Variants in UBE2E2 observed in about 807,000 individuals in gnomAD.
The protein encoded by UBE2E2 is ubiquitin-conjugating enzyme E2 E2.
Under a neutral mutation model 24.7 loss-of-function variants are expected in UBE2E2, and 6 were observed. That is an observed-to-expected ratio of 0.24 (90% confidence interval 0.13 to 0.48). UBE2E2 has a LOEUF of 0.48. UBE2E2 is among the 20% of genes least tolerant of loss of function. The pLI, the probability that UBE2E2 is intolerant of heterozygous loss-of-function variation, is 0.99. For synonymous variants in UBE2E2, 104 were observed against 83.6 expected, an observed-to-expected ratio of 1.24 and a Z score of -1.33; for missense variants, 169 against 245.0, an observed-to-expected ratio of 0.69 and a Z score of 2.07.
At chr3:23,524,143 A>C (rs776802428) in intron 4 of UBE2E2, among the ~76,000 whole-genome samples, 6 of 152,184 alleles carry the variant, frequency 3.9e-5, no homozygotes, top group Non-Finnish European at 8.8e-5. Flanking sequence ...TATCAGAATT[A>C]GTTTTTCATC....
chr3:23,471,092 A>C (rs1317582473), intron 3 of UBE2E2, among the ~76,000 whole-genome samples: 1 of 152,228 alleles, frequency 6.6e-6, no homozygotes, highest in Non-Finnish European at 1.5e-5. Context: ...TGCAACATGT[A>C]TGCATAAATC....
chr3:23,430,638 C>A (rs1487021953), intron 3 of UBE2E2, among the ~76,000 whole-genome samples: 1 of 151,932 alleles, frequency 6.6e-6, no homozygotes, highest in African/African-American at 2.4e-5. Flanking sequence ...CCTGTCTTAT[C>A]CTCCTGAGTA....
intron 3 of UBE2E2, among the ~76,000 whole-genome samples, chr3:23,290,494 A>AT (rs1698734541): frequency 6.6e-6 from 1 of 151,530 alleles, no homozygotes; most frequent in Admixed American, 6.6e-5. Context: ...TTTAATTTTT[A>AT]TTTTTTTGAA....
intron 3 of UBE2E2, among the ~76,000 whole-genome samples, chr3:23,309,077 A>G (rs1336784494): frequency 6.6e-6 from 1 of 152,222 alleles, no homozygotes; most frequent in Non-Finnish European, 1.5e-5. Flanking sequence ...GCCAGTTGGC[A>G]TGGGCAACTG....
chr3:23,468,103 C>T (rs1698961417), intron 3 of UBE2E2, among the ~76,000 whole-genome samples: 1 of 152,130 alleles, frequency 6.6e-6, no homozygotes, highest in African/African-American at 2.4e-5. Flanking sequence ...TTGAACTTGC[C>T]CTAGAGAGCC....
intron 5 of UBE2E2, among the ~76,000 whole-genome samples, chr3:23,535,618 C>CTTTTTTTTT (rs67901258): frequency 8.1e-5 from 7 of 86,020 alleles, no homozygotes; most frequent in Non-Finnish European, 1.5e-4. Context: ...ATAGAGCATT[C>CTTTTTTTTT]TTTTTTTTTT....
intron 3 of UBE2E2, among the ~76,000 whole-genome samples, chr3:23,355,006 T>G (rs1461350423): frequency 8.6e-5 from 13 of 151,686 alleles, no homozygotes; most frequent in Non-Finnish European, 1.8e-4. Context: ...TAGACTGGAT[T>G]AAGAAAATGT....
intron 5 of UBE2E2, among the ~76,000 whole-genome samples, chr3:23,573,128 G>A (rs542055674): frequency 6.6e-6 from 1 of 152,222 alleles, no homozygotes; most frequent in Non-Finnish European, 1.5e-5. Flanking sequence ...TACAAATCAG[G>A]AGTGAGTAAA....
chr3:23,217,358 T>G, intron 3 of UBE2E2, 46 bp downstream of exon 3: 1 of 1,569,168 alleles, frequency 6.4e-7, no homozygotes, highest in Non-Finnish European at 8.8e-7. Flanking sequence ...TTGCAGAAGG[T>G]GCATTTGAAC....
chr3:23,579,467 A>G (rs886907308), intron 5 of UBE2E2, among the ~76,000 whole-genome samples: 1 of 150,984 alleles, frequency 6.6e-6, no homozygotes, highest in East Asian at 2.0e-4. Flanking sequence ...AGGTGGGAGG[A>G]TCACTTGAGG....
intron 3 of UBE2E2, among the ~76,000 whole-genome samples, chr3:23,246,496 A>G (rs1157948145): frequency 6.8e-6 from 1 of 147,388 alleles, no homozygotes; most frequent in Admixed American, 6.7e-5. Flanking sequence ...CAGCCTCCCA[A>G]AGTTCTGGGA....
At chr3:23,320,635 C>A (rs933746549) in intron 3 of UBE2E2, among the ~76,000 whole-genome samples, 1 of 152,178 alleles carries the variant, frequency 6.6e-6, no homozygotes, top group African/African-American at 2.4e-5. Flanking sequence ...AGAAAGGTTA[C>A]GTATTTGGCC....
chr3:23,447,366 G>T (rs1317042985), intron 3 of UBE2E2, among the ~76,000 whole-genome samples: 1 of 152,164 alleles, frequency 6.6e-6, no homozygotes, highest in African/African-American at 2.4e-5. Flanking sequence ...TCAGTTCTAA[G>T]AAGCCTATTT....
At chr3:23,490,660 CAT>C (rs1363661480) in intron 3 of UBE2E2, among the ~76,000 whole-genome samples, 1 of 152,194 alleles carries the variant, frequency 6.6e-6, no homozygotes. Context: ...CTCAGTGACT[CAT>C]AGAAGGCTCG....
intron 5 of UBE2E2, among the ~76,000 whole-genome samples, chr3:23,565,170 A>T (rs957378555): frequency 3.9e-4 from 60 of 152,108 alleles, no homozygotes; most frequent in African/African-American, 1.4e-3. Context: ...CTCTTTGAAA[A>T]TGTGCATCCC....
intron 5 of UBE2E2, among the ~76,000 whole-genome samples, chr3:23,570,135 A>C (rs1696188267): frequency 1.3e-5 from 2 of 152,198 alleles, no homozygotes; most frequent in African/African-American, 4.8e-5. Context: ...AATGCGAGGA[A>C]CATGGTCTGG....
At chr3:23,405,392 G>A (rs903849761) in intron 3 of UBE2E2, among the ~76,000 whole-genome samples, 1 of 152,166 alleles carries the variant, frequency 6.6e-6, no homozygotes, top group Admixed American at 6.6e-5. Flanking sequence ...CTTGTTAGTG[G>A]CAGAGCCTGA....
chr3:23,578,477 A>C (rs1388545892), intron 5 of UBE2E2, among the ~76,000 whole-genome samples: 1 of 152,192 alleles, frequency 6.6e-6, no homozygotes, highest in African/African-American at 2.4e-5. Flanking sequence ...ATACGTGCAC[A>C]CATATGCTCA....
At chr3:23,494,556 G>A (rs2125451953) in intron 3 of UBE2E2, among the ~76,000 whole-genome samples, 1 of 152,274 alleles carries the variant, frequency 6.6e-6, no homozygotes, top group South Asian at 2.1e-4. Flanking sequence ...AGTTTTGGAT[G>A]TTGGGTTCTC....
Sources: allele counts gnomAD v4.1 joint callset (sites outside exome capture counted in the v4.1 genomes callset), GRCh38; gene constraint gnomAD v4.1.1; transcripts MANE v1.5; gene names NCBI Gene and HGNC (gene_info 2026-07-23, HGNC 2026-07-21).